Variants in DLG2 observed in about 807,000 individuals in gnomAD.
DLG2 encodes disks large homolog 2.
Under a neutral mutation model 132.5 loss-of-function variants are expected in DLG2, and 45 were observed. That is an observed-to-expected ratio of 0.34 (90% CI 0.27 to 0.44). The LOEUF (loss-of-function observed/expected upper bound fraction) is 0.44. Ranked by LOEUF, DLG2 falls within the 20% of genes least tolerant of loss-of-function variation. The pLI is 1.00. For missense variants in DLG2, 1,045 were observed against 1,196.9 expected, an observed-to-expected ratio of 0.87 and a Z score of 1.87; for synonymous variants, 424 against 419.6, an observed-to-expected ratio of 1.01 and a Z score of -0.13.
intron 3 of DLG2, among the ~76,000 whole-genome samples, chr11:85,408,765 G>A (rs144139798): frequency 0.057 from 8,643 of 150,954 alleles, 347 homozygotes; most frequent in African/African-American, 0.11. Context: ...CATGGTGTAT[G>A]TGTGCCACAT....
intron 6 of DLG2, among the ~76,000 whole-genome samples, chr11:84,622,597 G>T (rs1196913755): frequency 6.6e-6 from 1 of 152,130 alleles, no homozygotes; most frequent in Non-Finnish European, 1.5e-5. Flanking sequence ...AGAAGTGGAG[G>T]GGAGAACATT....
Position 83,532,721 on chromosome 11 carries a change from A to G in DLG2, c.2180T>C (p.Ile727Thr), listed in dbSNP as rs372841489. Residue 727 changes from isoleucine (I) to threonine (T), a missense_variant, in exon 21 of 28, where the codon ATT (isoleucine) becomes ACT (threonine). Ile to Thr is a moderately conservative substitution (Grantham distance 89). Around this residue, in one of 4 missense-constraint regions of DLG2, gnomAD observed 398 missense variants for 543.6 expected, o/e 0.73. Transcript: ENST00000376104. Reference sequence around the variant, plus strand: ...TTTTGTACCTACCCCTTTCGAATCAATCACTCCAGGTTTGGCATTAAACTT... The same window carrying G: ...TTTTGTACCTACCCCTTTCGAATCAGTCACTCCAGGTTTGGCATTAAACTT... ...TVKFNAKPGVIDSKGSFNDKR... is the reference protein window; with the variant it reads ...TVKFNAKPGVTDSKGSFNDKR... 7 of 1,613,288 alleles carry G rather than the reference A, an allele frequency of 4.3e-6. No homozygotes were observed. The highest frequency in any genetic ancestry group is 1.3e-5 in the African/African-American group (1 of 74,996).
intron 19 of DLG2, among the ~76,000 whole-genome samples, chr11:83,597,810 CAAACA>C (rs1435131813): frequency 1.3e-5 from 2 of 148,542 alleles, no homozygotes; most frequent in African/African-American, 5.2e-5. Context: ...AACAAACAAA[CAAACA>C]AACACAAAAA....
intron 11 of DLG2, among the ~76,000 whole-genome samples, chr11:84,040,654 T>G: frequency 6.6e-6 from 1 of 151,196 alleles, no homozygotes; most frequent in Admixed American, 6.6e-5. Flanking sequence ...TCAGGTAGTG[T>G]GATGCCTCCA....
At chr11:85,037,609 G>C (rs925512466) in intron 6 of DLG2, among the ~76,000 whole-genome samples, 2 of 150,544 alleles carry the variant, frequency 1.3e-5, no homozygotes, top group Non-Finnish European at 3.0e-5. Context: ...ATTAACCTGA[G>C]TGTTATCTTA....
chr11:83,954,513 C>G (rs1470226183), intron 14 of DLG2, among the ~76,000 whole-genome samples: 1 of 152,120 alleles, frequency 6.6e-6, no homozygotes, highest in Non-Finnish European at 1.5e-5. Context: ...CATTATAGTA[C>G]CAGTCTCTAT....
intron 6 of DLG2, among the ~76,000 whole-genome samples, chr11:84,751,937 T>C (rs1256601293): frequency 2.0e-5 from 3 of 152,194 alleles, no homozygotes; most frequent in Non-Finnish European, 4.4e-5. Context: ...TCATTTACTT[T>C]GTTCTTAGCA....
intron 15 of DLG2, among the ~76,000 whole-genome samples, chr11:83,910,999 T>A (rs1194174377): frequency 2.0e-5 from 3 of 152,174 alleles, no homozygotes; most frequent in Non-Finnish European, 4.4e-5. Flanking sequence ...CAAAGTAATC[T>A]TTAATTGAGC....
At chr11:85,552,754 G>A (rs1383879936) in intron 3 of DLG2, among the ~76,000 whole-genome samples, 2 of 151,222 alleles carry the variant, frequency 1.3e-5, no homozygotes, top group Non-Finnish European at 3.0e-5. Context: ...TAAAAAAATA[G>A]AAAATATAAT....
At chr11:83,906,093 A>C (rs1294041435) in intron 15 of DLG2, among the ~76,000 whole-genome samples, 9 of 87,982 alleles carry the variant, frequency 1.0e-4, no homozygotes, top group South Asian at 7.5e-4. Context: ...ATATATATAT[A>C]TATATATATA....
intron 8 of DLG2, among the ~76,000 whole-genome samples, chr11:84,187,520 C>T (rs2096300832): frequency 6.6e-6 from 1 of 151,956 alleles, no homozygotes; most frequent in African/African-American, 2.4e-5. Context: ...ACTGTTTCAC[C>T]CAATTGCTGT....
chr11:83,629,648 C>T (rs2063226720), intron 19 of DLG2, among the ~76,000 whole-genome samples: 1 of 152,134 alleles, frequency 6.6e-6, no homozygotes, highest in Admixed American at 6.6e-5. Flanking sequence ...CAGGAAAAGC[C>T]TTGTTCTTTC....
intron 5 of DLG2, among the ~76,000 whole-genome samples, chr11:85,150,678 C>G (rs555905888): frequency 7.0e-6 from 1 of 142,370 alleles, no homozygotes; most frequent in African/African-American, 2.6e-5. Flanking sequence ...ATAGGATTTC[C>G]TTTTGTTCCT....
At chr11:85,386,212 T>C (rs758349698) in intron 3 of DLG2, among the ~76,000 whole-genome samples, 9 of 152,216 alleles carry the variant, frequency 5.9e-5, no homozygotes, top group Non-Finnish European at 1.2e-4. Flanking sequence ...TTTGTAATAA[T>C]AATGCCTACA....
At chr11:85,443,178 T>C (rs2091864577) in intron 3 of DLG2, among the ~76,000 whole-genome samples, 1 of 152,250 alleles carries the variant, frequency 6.6e-6, no homozygotes, top group Admixed American at 6.5e-5. Flanking sequence ...CTAATTTTTT[T>C]ATCTACTACA....
chr11:84,145,073 A>T (rs907051982), intron 9 of DLG2, among the ~76,000 whole-genome samples: 2 of 152,148 alleles, frequency 1.3e-5, no homozygotes, highest in Non-Finnish European at 2.9e-5. Context: ...TTTCTTGCCA[A>T]ATCTCCTTAG....
At chr11:85,203,299 A>G (rs9734338) in intron 4 of DLG2, among the ~76,000 whole-genome samples, 92,843 of 151,232 alleles carry the variant, frequency 0.61, 28,932 homozygotes, top group Middle Eastern at 0.69. Context: ...ATTAAGACAA[A>G]AAAAGAGAAG....
intron 6 of DLG2, among the ~76,000 whole-genome samples, chr11:84,975,100 T>C (rs1305556251): frequency 6.6e-6 from 1 of 151,628 alleles, no homozygotes; most frequent in South Asian, 2.1e-4. Flanking sequence ...ATGTTAACAG[T>C]GAGAATGGGT....
chr11:84,153,266 T>A (rs1382048018), intron 9 of DLG2, among the ~76,000 whole-genome samples: 1 of 152,204 alleles, frequency 6.6e-6, no homozygotes, highest in Non-Finnish European at 1.5e-5. Context: ...TAGGTGCCTG[T>A]AAGATTTTTT....
Sources: gnomAD v4.1 joint callset for allele counts (sites outside exome capture counted in the v4.1 genomes callset) on GRCh38, gnomAD v4.1.1 for gene constraint, gnomAD v4.1.1 regional missense constraint, MANE v1.5 for transcripts, NCBI Gene and HGNC (gene_info 2026-07-23, HGNC 2026-07-21) for gene names.